TSR2: variants seen among roughly 807,000 people sequenced by gnomAD.
TSR2 encodes the protein pre-rRNA-processing protein TSR2 homolog.
Under a neutral mutation model 13.3 loss-of-function variants are expected in TSR2, and 1 was observed. The observed-to-expected ratio is 0.08, with a 90% CI of 0.03 to 0.36. The LOEUF is 0.36. Ranked by LOEUF, TSR2 falls within the 10% of genes least tolerant of loss-of-function variation. TSR2 has a pLI of 0.99. For synonymous variants in TSR2, 60 were observed against 57.7 expected (o/e 1.04, Z -0.18); for missense variants, 120 against 151.1 (o/e 0.79, Z 1.08).
intron 2 of TSR2, among the ~76,000 whole-genome samples, chrX:54,441,709 C>T (rs1403137448): frequency 3.6e-5 from 4 of 110,607 alleles, no homozygotes; most frequent in Non-Finnish European, 5.7e-5. Flanking sequence ...GCAGGGAGCT[C>T]AGTATTGGAG....
In TSR2 at chrX:54,444,580, C is replaced by G. The variant is rs748218636; in HGVS notation, c.*30C>G. On this transcript the variant is annotated 3_prime_UTR_variant, in exon 5 of 5. Coordinates refer to ENST00000375151, the MANE Select transcript of TSR2 (RefSeq NM_058163.3). ...GGATGATTGGAAATGGCTTTGGGCC[C>G]TTATTTGCTGTTCTAAGAGTTGTCT... 4 of 1,197,066 alleles carry G rather than the reference C, an allele frequency of 3.3e-6. No homozygotes were observed. In the African/African-American group the frequency reaches 7.1e-5, roughly 21 times the overall value.
In TSR2 at chrX:54,444,651, C is replaced by A. The variant is rs1429944720; in HGVS notation, c.*101C>A. ...GATTGCAGACCTGTGGACTGGTTAC[C>A]CCATCTCCACCCTCTCCCCTGTTCC... On this transcript the variant is annotated 3_prime_UTR_variant, in exon 5 of 5. Coordinates refer to ENST00000375151, the MANE Select transcript of TSR2 (RefSeq NM_058163.3). The A allele has an allele frequency of 1.0e-5, 8 of 802,612 alleles. No individual in the cohort carries two copies. Among genetic ancestry groups the A allele is most frequent in the Non-Finnish European group, 1.4e-5 (8 of 573,141 alleles). 66.1% of individuals were successfully genotyped at this position (802,612 alleles called of 1,213,427 possible). A position where few individuals can be genotyped will look rare whatever the true frequency, so the allele number is the denominator to read the frequency against.
intron 2 of TSR2, among the ~76,000 whole-genome samples, chrX:54,441,614 A>G (rs746293828): frequency 1.7e-4 from 18 of 108,633 alleles, no homozygotes; most frequent in Non-Finnish European, 2.6e-4. Flanking sequence ...TCTTAGTGAG[A>G]AGGAGTTAAC....
At position 54,446,473 on chromosome X, in the gene TSR2, A is replaced by G. The variant is rs1922183999; in HGVS notation, c.*1923A>G. 2 of 1,092,948 alleles carry G rather than the reference A, an allele frequency of 1.8e-6. No individual in the cohort carries two copies. Among genetic ancestry groups the G allele is most frequent in the African/African-American group, 3.7e-5 (2 of 54,607 alleles). The allele number at this position is 1,092,948 out of a possible 1,213,427, so 90.1% of individuals were successfully genotyped here. A position where few individuals can be genotyped will look rare whatever the true frequency, so the allele number is the denominator to read the frequency against. ...TGGGGCTAGACCTTTCCCCCGCCCCAGCTTCTAACTGGTTTTGCATATGCT... is the reference window on the plus strand; with the variant it reads ...TGGGGCTAGACCTTTCCCCCGCCCCGGCTTCTAACTGGTTTTGCATATGCT... On this transcript the variant is annotated 3_prime_UTR_variant, in exon 5 of 5. Coordinates refer to ENST00000375151, the MANE Select transcript of TSR2 (RefSeq NM_058163.3).
chrX:54,440,903 T>C (rs1288045888), intron 2 of TSR2, 123 bp downstream of exon 2: 2 of 487,021 alleles, frequency 4.1e-6, no homozygotes, highest in Non-Finnish European at 6.6e-6. Context: ...TGAGGTGGAA[T>C]GAATTCAGCT....
Position 54,446,086 on chromosome X carries a change from G to T in TSR2, c.*1536G>T. 8.6e-7 allele frequency: 1 copy of T among 1,168,690 alleles called. No homozygotes were observed. The highest frequency in any genetic ancestry group is 1.2e-6 in the Non-Finnish European group (1 of 864,913). On this transcript the variant is annotated 3_prime_UTR_variant, in exon 5 of 5. Transcript: ENST00000375151. ...TGGGCAACTAGAGTGTGGGGTGGGG[G>T]CTCCCAGTTTGTCCCAAACCCTCTA...
chrX:54,446,340 G>C lies in TSR2; in HGVS notation c.*1790G>C. On this transcript the variant is annotated 3_prime_UTR_variant, in exon 5 of 5. Transcript: ENST00000375151. The stretch of plus-strand genomic sequence containing the variant: ...GGGTGATCTTGAAGACATGCCTTCT[G>C]TCAGGCCGCTCCCCTGCCTCGGGCG... The C allele has an allele frequency of 8.3e-7, 1 of 1,210,917 alleles. No homozygotes were observed. The highest frequency in any genetic ancestry group is 1.1e-6 in the Non-Finnish European group (1 of 894,972).
rs562478629 is a variant in TSR2 at position 54,445,487 on chromosome X, TAAAAA to T, written c.*946_*950del. 1.0e-5 allele frequency: 1 copy of T among 100,269 alleles called. No individual in the cohort carries two copies. The highest frequency in any genetic ancestry group is 3.6e-5 in the African/African-American group (1 of 27,587). 8.3% of individuals were successfully genotyped at this position (100,269 alleles called of 1,213,427 possible). ...AGCCTGAAATAAACTGTATTTTTCT[TAAAAA>T]AAAAAAAACACACAAAAAAACACAA... On this transcript the variant is annotated 3_prime_UTR_variant, in exon 5 of 5. Coordinates refer to ENST00000375151, the MANE Select transcript of TSR2 (RefSeq NM_058163.3).
At position 54,444,585 on chromosome X, in the gene TSR2, T is replaced by C; in HGVS notation, c.*35T>C. 1 of 1,199,989 alleles carries C rather than the reference T, an allele frequency of 8.3e-7. No homozygotes were observed. The highest frequency in any genetic ancestry group is 1.8e-5 in the South Asian group (1 of 55,063). ...ATTGGAAATGGCTTTGGGCCCTTAT[T>C]TGCTGTTCTAAGAGTTGTCTGTAGG... On this transcript the variant is annotated 3_prime_UTR_variant, in exon 5 of 5. Coordinates refer to ENST00000375151, the MANE Select transcript of TSR2 (RefSeq NM_058163.3).
chrX:54,447,062 C>T lies in TSR2; in HGVS notation c.*2512C>T, dbSNP rs1385985985. Among the ~76,000 whole-genome samples, 1 of 111,614 alleles carries T rather than the reference C, an allele frequency of 9.0e-6. No homozygotes were observed. The highest frequency in any genetic ancestry group is 1.9e-5 in the Non-Finnish European group (1 of 53,109). ...CTTACCCACTCCAAATTGGACCTAG[C>T]AGTTCCCCATCTCTACTCCTTCCAG... On this transcript the variant is annotated 3_prime_UTR_variant, in exon 5 of 5. Transcript: ENST00000375151.
rs752074073 is a variant in TSR2, at chrX:54,445,939, C to T, written c.*1389C>T. On this transcript the variant is annotated 3_prime_UTR_variant, in exon 5 of 5. Coordinates refer to ENST00000375151, the MANE Select transcript of TSR2 (RefSeq NM_058163.3). Reference sequence around the variant, plus strand: ...TAGGAATATATTTTTTAAAAGCCCACGTTTTGTGAAAAGATGAATTAAAAA... The same window carrying T: ...TAGGAATATATTTTTTAAAAGCCCATGTTTTGTGAAAAGATGAATTAAAAA... The T allele has an allele frequency of 3.6e-5, 16 of 440,267 alleles. No individual in the cohort carries two copies. The highest frequency in any genetic ancestry group is 1.7e-4 in the African/African-American group (7 of 40,217). The allele number at this position is 440,267 out of a possible 1,213,427, so 36.3% of individuals were successfully genotyped here.
At position 54,440,512 on chromosome X, in the gene TSR2, G is replaced by A; in HGVS notation, c.81+10G>A. 1 of 1,142,010 alleles carries A rather than the reference G, an allele frequency of 8.8e-7. No individual in the cohort carries two copies. Among genetic ancestry groups the A allele is most frequent in the Non-Finnish European group, 1.2e-6 (1 of 861,302 alleles). 94.1% of individuals were successfully genotyped at this position (1,142,010 alleles called of 1,213,427 possible). A position where few individuals can be genotyped will look rare whatever the true frequency, so the allele number is the denominator to read the frequency against. On this transcript the variant is annotated intron_variant, in intron 1 of 4. Transcript: ENST00000375151. ...CTGGCCGGCCTTGCAGGTCAGTGGG[G>A]CCAGGGCCAGGGCAAGGTCAAGGTT...
At position 54,444,089 on chromosome X, in the gene TSR2, A is replaced by C. The variant is rs1603408920; in HGVS notation, c.346A>C (p.Thr116Pro). Residue 116 changes from threonine to proline, a missense_variant, in exon 4 of 5, where the codon ACT becomes CCT. Transcript: ENST00000375151. ...AALREMASCITQRKCKVTATA... is the reference protein window; with the variant it reads ...AALREMASCIPQRKCKVTATA... ...TCTGAGGGAGATGGCCTCCTGCATC[A>C]CTCAGAGAAAATGCAAGGTCACAGC... The C allele has an allele frequency of 8.3e-7, 1 of 1,211,616 alleles. No homozygotes were observed. The highest frequency in any genetic ancestry group is 1.8e-5 in the South Asian group (1 of 56,988).
rs1922042991 is a variant in TSR2, at chrX:54,444,410, C to T, written c.442-6C>T. 4 of 1,203,638 alleles carry T rather than the reference C, an allele frequency of 3.3e-6. No individual in the cohort carries two copies. The highest frequency in any genetic ancestry group is 1.8e-5 in the African/African-American group (1 of 56,785). ...TATTCAGCTCTCTTTTAAATCTCCC[C>T]TCCAGGTCACAGCTACGAATGATGG... is the stretch of plus-strand genomic sequence containing the variant. On this transcript the variant is annotated splice_polypyrimidine_tract_variant and splice_region_variant and intron_variant, in intron 4 of 4. Coordinates refer to ENST00000375151, the MANE Select transcript of TSR2 (RefSeq NM_058163.3).
chrX:54,447,337 C>A lies in TSR2; in HGVS notation c.*2787C>A. On this transcript the variant is annotated 3_prime_UTR_variant, in exon 5 of 5. Transcript: ENST00000375151. ...TGAGGGGCTCCGTAGATATACAGCA[C>A]CAAGGGTTCATTTTCAGGGACCACG... is the stretch of plus-strand genomic sequence containing the variant. 8.3e-7 allele frequency: 1 copy of A among 1,211,862 alleles called. No homozygotes were observed. The highest frequency in any genetic ancestry group is 1.1e-6 in the Non-Finnish European group (1 of 895,498).
intron 2 of TSR2, 94 bp from the exon 3 acceptor site, chrX:54,443,306 T>C: frequency 1.6e-6 from 1 of 606,214 alleles, no homozygotes; most frequent in Non-Finnish European, 2.7e-6. Flanking sequence ...ACCCACCCAG[T>C]TGCAGATCCA....
rs1408827800 is a variant in TSR2 at position 54,445,692 on chromosome X, C to CT, written c.*1143dup. 7.2e-6 allele frequency: 1 copy of CT among 139,656 alleles called. No homozygotes were observed. Among genetic ancestry groups the CT allele is most frequent in the Non-Finnish European group, 1.4e-5 (1 of 73,776 alleles). 11.5% of individuals were successfully genotyped at this position (139,656 alleles called of 1,213,427 possible). ...ACGTGGAGTTGTACGTGTGAAGACA[C>CT]TGGCTGAGGAGGCAGGGCTGGGTCG... On this transcript the variant is annotated 3_prime_UTR_variant, in exon 5 of 5. Coordinates refer to ENST00000375151, the MANE Select transcript of TSR2 (RefSeq NM_058163.3).
chrX:54,446,078 G>T lies in TSR2; in HGVS notation c.*1528G>T, dbSNP rs752251223. On this transcript the variant is annotated 3_prime_UTR_variant, in exon 5 of 5. Transcript: ENST00000375151. ...ATCAGACATGGGCAACTAGAGTGTG[G>T]GGTGGGGGCTCCCAGTTTGTCCCAA... 4 of 1,142,616 alleles carry T rather than the reference G, an allele frequency of 3.5e-6. No individual in the cohort carries two copies. The highest frequency in any genetic ancestry group is 4.8e-6 in the Non-Finnish European group (4 of 841,646). 94.2% of individuals were successfully genotyped at this position (1,142,616 alleles called of 1,213,427 possible).
At position 54,446,478 on chromosome X, in the gene TSR2, C is replaced by T; in HGVS notation, c.*1928C>T. On this transcript the variant is annotated 3_prime_UTR_variant, in exon 5 of 5. Transcript: ENST00000375151. ...CTAGACCTTTCCCCCGCCCCAGCTTCTAACTGGTTTTGCATATGCTCTGTC... is the reference window on the plus strand; with the variant it reads ...CTAGACCTTTCCCCCGCCCCAGCTTTTAACTGGTTTTGCATATGCTCTGTC... 4.6e-6 allele frequency: 5 copies of T among 1,083,125 alleles called. No homozygotes were observed. Among genetic ancestry groups the T allele is most frequent in the Non-Finnish European group, 6.3e-6 (5 of 796,253 alleles). The allele number at this position is 1,083,125 out of a possible 1,213,427, so 89.3% of individuals were successfully genotyped here.
Sources: allele counts gnomAD v4.1 joint callset (sites outside exome capture counted in the v4.1 genomes callset), GRCh38; gene constraint gnomAD v4.1.1; transcripts MANE v1.5; gene names NCBI Gene and HGNC (gene_info 2026-07-23, HGNC 2026-07-21).